The following CYP7B1 variants were observed in gnomAD, a reference collection of about 807,000 sequenced individuals.
CYP7B1 encodes cytochrome P450 7B1.
CYP7B1 carries 29 observed loss-of-function variants against 42.7 expected under a neutral mutation model. That is an observed-to-expected ratio of 0.68 (90% CI 0.51 to 0.93). CYP7B1 has a LOEUF of 0.93. CYP7B1 is among the 40% of genes least tolerant of loss of function. The pLI, the probability that CYP7B1 is intolerant of heterozygous loss-of-function variation, is 0.00. For synonymous variants in CYP7B1, 235 were observed against 218.2 expected, an observed-to-expected ratio of 1.08 and a Z score of -0.68; for missense variants, 655 against 600.5, an observed-to-expected ratio of 1.09 and a Z score of -0.95.
intron 1 of CYP7B1, among the ~76,000 whole-genome samples, chr8:64,693,034 A>C (rs1274763362): frequency 1.3e-5 from 2 of 152,236 alleles, no homozygotes; most frequent in African/African-American, 4.8e-5. Flanking sequence ...GCATTAAGAC[A>C]TCCTGCTTCT....
intron 1 of CYP7B1, among the ~76,000 whole-genome samples, chr8:64,695,603 CTTTTT>C (rs35575527): frequency 0.13 from 12,617 of 100,014 alleles, 947 homozygotes; most frequent in Non-Finnish European, 0.18. Context: ...TATCAAATTC[CTTTTT>C]TTTTTTTTTT....
intron 1 of CYP7B1, among the ~76,000 whole-genome samples, chr8:64,667,544 GATA>G (rs148738162): frequency 6.6e-6 from 1 of 152,082 alleles, no homozygotes; most frequent in Non-Finnish European, 1.5e-5. Flanking sequence ...AGATAAGGAA[GATA>G]ATAATAATAA....
chr8:64,663,895 G>A (rs1010579957), intron 1 of CYP7B1, among the ~76,000 whole-genome samples: 1 of 152,188 alleles, frequency 6.6e-6, no homozygotes, highest in Non-Finnish European at 1.5e-5. Flanking sequence ...CTTCAGCTAT[G>A]TGGTTACAAG....
At chr8:64,589,211 C>T (rs1375745680), downstream of CYP7B1, among the ~76,000 whole-genome samples, 4 of 152,112 alleles carry the variant, frequency 2.6e-5, no homozygotes, top group South Asian at 2.1e-4. Context: ...TTGATGTGGA[C>T]GATTATCCTC....
At position 64,604,725 on chromosome 8, in the gene CYP7B1, G is replaced by A. The variant is rs1412737307; in HGVS notation, c.1190C>T (p.Pro397Leu). The A allele has an allele frequency of 1.9e-6, 3 of 1,614,090 alleles. No individual in the cohort carries two copies. The highest frequency in any genetic ancestry group is 4.5e-5 in the East Asian group (2 of 44,870). The stretch of plus-strand genomic sequence containing the variant: ...TTCAGGGTCACCATGTAGGACTGGA[G>A]GAAAGATGGCTACCAAGTCTCCCTT... ...VRKGDLVAIFPPVLHGDPEIF... is the reference protein window; with the variant it reads ...VRKGDLVAIFLPVLHGDPEIF... Residue 397 changes from proline (P) to leucine (L), a missense_variant, in exon 5 of 6, where the codon CCT becomes CTT. By Grantham distance (98) the Pro-to-Leu change is moderately conservative. Coordinates refer to ENST00000310193, the MANE Select transcript of CYP7B1 (RefSeq NM_004820.5).
At chr8:64,661,049 C>T (rs1806192748) in intron 1 of CYP7B1, among the ~76,000 whole-genome samples, 1 of 152,160 alleles carries the variant, frequency 6.6e-6, no homozygotes, top group Admixed American at 6.5e-5. Context: ...TGGAAGCCTG[C>T]AAATGTGAAA....
intron 1 of CYP7B1, among the ~76,000 whole-genome samples, chr8:64,630,144 GAA>G (rs1805668112): frequency 6.6e-6 from 1 of 152,156 alleles, no homozygotes; most frequent in Non-Finnish European, 1.5e-5. Flanking sequence ...CAGATCAACA[GAA>G]AGGAAGTGGG....
intron 1 of CYP7B1, among the ~76,000 whole-genome samples, chr8:64,651,501 G>C (rs976108231): frequency 1.3e-5 from 2 of 152,186 alleles, no homozygotes; most frequent in African/African-American, 4.8e-5. Context: ...TGTAATCTTG[G>C]AATAAGATCT....
chr8:64,665,274 C>A (rs901385160), intron 1 of CYP7B1, among the ~76,000 whole-genome samples: 1 of 151,946 alleles, frequency 6.6e-6, no homozygotes, highest in African/African-American at 2.4e-5. Context: ...AGTTGGGAGA[C>A]CTAAGGCTAT....
intron 1 of CYP7B1, among the ~76,000 whole-genome samples, chr8:64,715,733 G>A (rs971822242): frequency 4.6e-5 from 7 of 152,166 alleles, no homozygotes; most frequent in Non-Finnish European, 7.4e-5. Context: ...AGAGGGAAAC[G>A]TAGAGAAAGG....
rs567260700 is a variant in CYP7B1 at position 64,764,056 on chromosome 8, C to G, written c.122+34410G>C. On this transcript the variant is annotated intron_variant, in intron 1 of 5. Coordinates refer to ENST00000310193, the MANE Select transcript of CYP7B1 (RefSeq NM_004820.5). ...CATCTAGGCTATGAACCCAGGGAGTCCTGTCCCTGGTGTCCCTCCCAATTT... is the reference window on the plus strand; with the variant it reads ...CATCTAGGCTATGAACCCAGGGAGTGCTGTCCCTGGTGTCCCTCCCAATTT... Among the ~76,000 whole-genome samples the G allele has an allele frequency of 1.7e-4, 26 of 152,272 alleles. No individual in the cohort carries two copies. The South Asian group carries it at 5.2e-3, about 30-fold the overall frequency.
chr8:64,615,967 T>G lies in CYP7B1; in HGVS notation c.574A>C (p.Thr192Pro). Reference protein sequence around the residue: ...PFCSSIIFEITFTTIYGKVIV... With the variant: ...PFCSSIIFEIPFTTIYGKVIV... ...ACTTTTCCATATATAGTTGTAAATG[T>G]GATCTCAAATATTATTGAGCTGCAG... The change falls in exon 3 of 6, where the codon ACA (threonine) becomes CCA (proline). Residue 192 changes from threonine (T) to proline (P), a missense_variant. Coordinates refer to ENST00000310193, the MANE Select transcript of CYP7B1 (RefSeq NM_004820.5). The G allele has an allele frequency of 6.2e-7, 1 of 1,613,752 alleles. No individual in the cohort carries two copies. Among genetic ancestry groups the G allele is most frequent in the Non-Finnish European group, 8.5e-7 (1 of 1,179,832 alleles).
chr8:64,794,062 G>A (rs1804665471), intron 1 of CYP7B1, among the ~76,000 whole-genome samples: 2 of 152,122 alleles, frequency 1.3e-5, no homozygotes, highest in African/African-American at 4.8e-5. Context: ...GACCAATATT[G>A]AGTGAGGTCC....
Position 64,591,081 on chromosome 8 carries a change from G to A in CYP7B1, c.*5561C>T, listed in dbSNP as rs909268319. On this transcript the variant is annotated 3_prime_UTR_variant, in exon 6 of 6. Transcript: ENST00000310193. ...AAAAATATTTTAAAACATAAGTATT[G>A]ACAAATTATAACCTATTTTAAATTG... 5.3e-5 allele frequency among the ~76,000 whole-genome samples: 8 copies of A among 151,946 alleles called. No individual in the cohort carries two copies. The highest frequency in any genetic ancestry group is 5.2e-4 in the Admixed American group (8 of 15,264).
chr8:64,761,442 C>T (rs574686299), intron 1 of CYP7B1, among the ~76,000 whole-genome samples: 6 of 152,022 alleles, frequency 3.9e-5, no homozygotes, highest in South Asian at 2.1e-4. Context: ...ATGTTAAACA[C>T]TTTAAATATA....
At chr8:64,587,713 A>G (rs539520557), downstream of CYP7B1, 2 of 152,358 alleles carry the variant, frequency 1.3e-5, no homozygotes, top group South Asian at 2.1e-4. Context: ...ATTATCAAGT[A>G]TACTAGAATG....
chr8:64,730,751 G>GCACACACACACACACACACA lies in CYP7B1; in HGVS notation c.122+67695_122+67714dup, dbSNP rs61050207. Among the ~76,000 whole-genome samples the GCACACACACACACACACACA allele has an allele frequency of 7.2e-3, 1,035 of 142,936 alleles. 15 individuals carry two copies. The highest frequency in any genetic ancestry group is 0.026 in the African/African-American group (964 of 37,366). The allele number at this position is 142,936 out of a possible 152,430, so 93.8% of individuals were successfully genotyped here. ...GAACCCTGTGAAGCAAGGACTGTCT[G>GCACACACACACACACACACA]CACACACACACACACACACACACAC... On this transcript the variant is annotated intron_variant, in intron 1 of 5. Transcript: ENST00000310193.
chr8:64,751,497 TA>T (rs1807724728), intron 1 of CYP7B1, among the ~76,000 whole-genome samples: 1 of 152,214 alleles, frequency 6.6e-6, no homozygotes, highest in Non-Finnish European at 1.5e-5. Context: ...AATTTATTTT[TA>T]CTACTATAAT....
intron 1 of CYP7B1, among the ~76,000 whole-genome samples, chr8:64,757,184 A>C (rs1326394115): frequency 6.6e-6 from 1 of 152,182 alleles, no homozygotes; most frequent in Admixed American, 6.5e-5. Context: ...GGCATGTTTG[A>C]GTTTCAGCTC....
Sources: allele counts gnomAD v4.1 joint callset (sites outside exome capture counted in the v4.1 genomes callset), GRCh38; gene constraint gnomAD v4.1.1; transcripts MANE v1.5; gene names NCBI Gene and HGNC (gene_info 2026-07-23, HGNC 2026-07-21).